The following OLFM3 variants were observed in gnomAD, a reference collection of about 807,000 sequenced individuals.
OLFM3 encodes olfactomedin 3, also known as noelin-3.
In OLFM3, 20 loss-of-function variants were observed where a neutral mutation model predicts 48.6. The ratio of observed to expected loss-of-function variants is 0.41; its 90% CI spans 0.29 to 0.60. The LOEUF (loss-of-function observed/expected upper bound fraction) is 0.60. OLFM3 is among the 20% of genes least tolerant of loss of function. The pLI, the probability that OLFM3 is intolerant of heterozygous loss-of-function variation, is 0.28. For missense variants in OLFM3, 437 were observed against 544.3 expected, an observed-to-expected ratio of 0.80 and a Z score of 1.96; for synonymous variants, 222 against 198.1, an observed-to-expected ratio of 1.12 and a Z score of -1.01.
At chr1:101,841,972 G>T (rs1021365594) in intron 1 of OLFM3, among the ~76,000 whole-genome samples, 1 of 152,128 alleles carries the variant, frequency 6.6e-6, no homozygotes, top group Non-Finnish European at 1.5e-5. Context: ...ATGTGGTTTA[G>T]CATGCTAATG....
At chr1:101,872,700 A>G (rs539006128) in intron 1 of OLFM3, among the ~76,000 whole-genome samples, 15 of 152,110 alleles carry the variant, frequency 9.9e-5, no homozygotes, top group Non-Finnish European at 1.6e-4. Context: ...TCAACTTGGC[A>G]TCAACGAACA....
intron 1 of OLFM3, among the ~76,000 whole-genome samples, chr1:101,911,497 T>A (rs1658759499): frequency 6.6e-6 from 1 of 152,110 alleles, no homozygotes; most frequent in Non-Finnish European, 1.5e-5. Context: ...GGCTACCTAT[T>A]ATAATAATAA....
At chr1:101,854,023 C>A (rs1003264456) in intron 1 of OLFM3, among the ~76,000 whole-genome samples, 2 of 151,956 alleles carry the variant, frequency 1.3e-5, no homozygotes, top group Non-Finnish European at 2.9e-5. Context: ...AAATTTTTCT[C>A]TAATAGCATA....
intron 1 of OLFM3, among the ~76,000 whole-genome samples, chr1:101,848,703 T>C (rs193256658): frequency 1.3e-5 from 2 of 152,158 alleles, no homozygotes; most frequent in Non-Finnish European, 2.9e-5. Flanking sequence ...TATTACAATG[T>C]GTTAATGACA....
chr1:101,927,753 G>A (rs1262991808), intron 1 of OLFM3, among the ~76,000 whole-genome samples: 1 of 148,138 alleles, frequency 6.8e-6, no homozygotes, highest in Non-Finnish European at 1.5e-5. Context: ...AATATTTAAA[G>A]TTTTAATATA....
At chr1:101,837,775 G>A (rs1380793646) in intron 1 of OLFM3, 1 of 152,088 alleles carries the variant, frequency 6.6e-6, no homozygotes, top group Non-Finnish European at 1.5e-5. Context: ...AACCAAATCG[G>A]TCTGTGTGCG....
At chr1:101,885,038 T>C (rs1278955343) in intron 1 of OLFM3, among the ~76,000 whole-genome samples, 1 of 151,972 alleles carries the variant, frequency 6.6e-6, no homozygotes, top group Non-Finnish European at 1.5e-5. Flanking sequence ...GAAGATGTCA[T>C]TGTTCTTATA....
chr1:101,873,235 C>T (rs1433210951), intron 1 of OLFM3, among the ~76,000 whole-genome samples: 1 of 151,904 alleles, frequency 6.6e-6, no homozygotes, highest in Non-Finnish European at 1.5e-5. Context: ...TTTTGTTGCT[C>T]TTCCTTCTGC....
At chr1:101,902,325 AC>A (rs1411293512) in intron 1 of OLFM3, among the ~76,000 whole-genome samples, 21 of 152,066 alleles carry the variant, frequency 1.4e-4, no homozygotes, top group Non-Finnish European at 2.4e-4. Context: ...AGAAGTAAGT[AC>A]TTCTGAGAAA....
intron 1 of OLFM3, among the ~76,000 whole-genome samples, chr1:101,990,798 C>A (rs1661377260): frequency 6.6e-6 from 1 of 151,334 alleles, no homozygotes; most frequent in African/African-American, 2.4e-5. Flanking sequence ...TCCTGGCTAA[C>A]ACAGTGAGAC....
At chr1:101,982,791 C>T (rs1055761517) in intron 1 of OLFM3, among the ~76,000 whole-genome samples, 1 of 152,158 alleles carries the variant, frequency 6.6e-6, no homozygotes, top group Non-Finnish European at 1.5e-5. Context: ...CTGACCAGAA[C>T]TATACCCTCT....
At chr1:101,972,212 G>A (rs1660823505) in intron 1 of OLFM3, among the ~76,000 whole-genome samples, 1 of 152,146 alleles carries the variant, frequency 6.6e-6, no homozygotes, top group South Asian at 2.1e-4. Context: ...CAGATTGAAT[G>A]TTTCTGTCCC....
intron 1 of OLFM3, among the ~76,000 whole-genome samples, chr1:101,995,832 T>C (rs1661541569): frequency 1.3e-5 from 2 of 152,232 alleles, no homozygotes; most frequent in Non-Finnish European, 2.9e-5. Context: ...ATAAGTAAAA[T>C]AATAAATTGT....
At chr1:101,859,232 T>C (rs1415098) in intron 1 of OLFM3, among the ~76,000 whole-genome samples, 72,053 of 151,880 alleles carry the variant, frequency 0.47, 17,553 homozygotes, top group Non-Finnish European at 0.51. Flanking sequence ...TATGTCTTTA[T>C]GGAGTTTCAG....
At chr1:101,851,848 A>G (rs535073967) in intron 1 of OLFM3, among the ~76,000 whole-genome samples, 1 of 152,226 alleles carries the variant, frequency 6.6e-6, no homozygotes, top group African/African-American at 2.4e-5. Context: ...GTTGTTTTGG[A>G]CAATCATGCA....
intron 1 of OLFM3, among the ~76,000 whole-genome samples, chr1:101,844,758 T>G (rs917984425): frequency 2.0e-5 from 3 of 152,216 alleles, no homozygotes; most frequent in Admixed American, 2.0e-4. Flanking sequence ...TTTTATGTTT[T>G]GAATTTTCAT....
chr1:101,885,144 G>T (rs1657696535), intron 1 of OLFM3, among the ~76,000 whole-genome samples: 1 of 151,988 alleles, frequency 6.6e-6, no homozygotes, highest in Non-Finnish European at 1.5e-5. Flanking sequence ...AACAGAGCCA[G>T]CCAAGAAAAC....
At chr1:101,905,606 C>T (rs1291977020) in intron 1 of OLFM3, among the ~76,000 whole-genome samples, 1 of 152,060 alleles carries the variant, frequency 6.6e-6, no homozygotes, top group Non-Finnish European at 1.5e-5. Flanking sequence ...AAGCTAACAG[C>T]CAGTTTCCAG....
At chr1:101,917,997 A>C (rs1018168935) in intron 1 of OLFM3, among the ~76,000 whole-genome samples, 1 of 152,108 alleles carries the variant, frequency 6.6e-6, no homozygotes, top group Non-Finnish European at 1.5e-5. Context: ...ATTAAAAAAA[A>C]CCACATTTTA....
Sources: gnomAD v4.1 joint callset for allele counts (sites outside exome capture counted in the v4.1 genomes callset) on GRCh38, gnomAD v4.1.1 for gene constraint, MANE v1.5 for transcripts, NCBI Gene and HGNC (gene_info 2026-07-23, HGNC 2026-07-21) for gene names.